The following CYP4F3 variants were observed in gnomAD, a reference collection of about 807,000 sequenced individuals.
The protein encoded by CYP4F3 is cytochrome P450 4F3.
A neutral mutation model predicts 54.8 loss-of-function variants in CYP4F3; 50 were observed. The ratio of observed to expected loss-of-function variants is 0.91; its 90% CI spans 0.73 to 1.16. CYP4F3 has a LOEUF of 1.16. Among genes scored for constraint, CYP4F3 ranks in the 50% most tolerant of loss-of-function variants. The pLI is 0.00. For synonymous variants in CYP4F3, 244 were observed against 262.6 expected (o/e 0.93, Z 0.69); for missense variants, 715 against 676.2 (o/e 1.06, Z -0.64).
chr19:15,657,624 C>T (rs141094984), intron 9 of CYP4F3, among the ~76,000 whole-genome samples: 336 of 151,244 alleles, frequency 2.2e-3, no homozygotes, highest in African/African-American at 7.3e-3. Context: ...AGTTTTATGG[C>T]ACAAACTTTC....
intron 5 of CYP4F3, 50 bp downstream of exon 5, chr19:15,647,374 A>T (rs201302682): frequency 6.2e-7 from 1 of 1,611,108 alleles, no homozygotes; most frequent in Non-Finnish European, 8.5e-7. Flanking sequence ...GTTGGGGGGA[A>T]CCACAGACAG....
In CYP4F3 at chr19:15,650,788, T is replaced by TTTCTTTC. The variant is rs1555742547; in HGVS notation, c.918+608_918+614dup. On this transcript the variant is annotated intron_variant, in intron 7 of 12. Transcript: ENST00000221307. ...TTCTTTTTCTTTCGTTCTTTCTTTC[T>TTTCTTTC]TTCTTTCTTTCTCTCTCTTCTCTTT... 5.0e-4 allele frequency among the ~76,000 whole-genome samples: 50 copies of TTTCTTTC among 100,024 alleles called. 1 individual carries two copies. Among genetic ancestry groups the TTTCTTTC allele is most frequent in the Non-Finnish European group, 6.2e-4 (33 of 52,996 alleles). 65.6% of individuals were successfully genotyped at this position (100,024 alleles called of 152,430 possible).
chr19:15,641,632 C>CAGGGT lies in CYP4F3; in HGVS notation c.198+19_198+20insAGGGT. 1 of 1,360,222 alleles carries CAGGGT rather than the reference C, an allele frequency of 7.4e-7. No homozygotes were observed. The highest frequency in any genetic ancestry group is 9.8e-7 in the Non-Finnish European group (1 of 1,021,576). 84.3% of individuals were successfully genotyped at this position (1,360,222 alleles called of 1,614,324 possible). On this transcript the variant is annotated intron_variant, in intron 2 of 12. Coordinates refer to ENST00000221307, the MANE Select transcript of CYP4F3 (RefSeq NM_000896.3). The stretch of plus-strand genomic sequence containing the variant: ...GGGCCTGGTGAGTGTGGCAGCAGGA[C>CAGGGT]GGGTCTGGGGTCTCAGGGTGGATGG...
chr19:15,643,887 G>A (rs756503946), intron 2 of CYP4F3: 316 of 1,532,220 alleles, frequency 2.1e-4, no homozygotes, highest in Non-Finnish European at 2.3e-4. Context: ...AGGAGGTGAC[G>A]GCCCCTGCCT....
chr19:15,656,900 G>A (rs973004947), intron 9 of CYP4F3, among the ~76,000 whole-genome samples: 3 of 152,012 alleles, frequency 2.0e-5, no homozygotes, highest in Non-Finnish European at 4.4e-5. Flanking sequence ...TCAACAGGGT[G>A]CCTTAATGCT....
intron 2 of CYP4F3, among the ~76,000 whole-genome samples, chr19:15,642,699 G>A (rs544701401): frequency 6.6e-6 from 1 of 152,190 alleles, no homozygotes; most frequent in African/African-American, 2.4e-5. Context: ...ACTTGGGGGT[G>A]GCCCCAAGAG....
rs1366980934 is a variant in CYP4F3 at position 15,650,124 on chromosome 19, C to T, written c.859C>T (p.Leu287Phe). The part of the protein sequence containing the change: ...TLPSQGVDDF[L>F]QAKAKSKTLD... ...CCCTAGCCAGGGTGTTGATGACTTC[C>T]TCCAAGCCAAGGCCAAATCCAAGAC... The change falls in exon 7 of 13, where the codon CTC (leucine) becomes TTC (phenylalanine). Residue 287 changes from leucine (L) to phenylalanine (F), a missense_variant. By Grantham distance (22) the Leu-to-Phe change is conservative. Transcript: ENST00000221307. The T allele has an allele frequency of 1.9e-6, 3 of 1,614,228 alleles. No homozygotes were observed. The highest frequency in any genetic ancestry group is 2.5e-6 in the Non-Finnish European group (3 of 1,180,042).
In CYP4F3 at chr19:15,658,303, T is replaced by G. The variant is rs1342391771; in HGVS notation, c.1155T>G (p.Ile385Met). The G allele has an allele frequency of 5.0e-6, 8 of 1,613,946 alleles. No homozygotes were observed. Among genetic ancestry groups the G allele is most frequent in the African/African-American group, 2.7e-5 (2 of 74,882 alleles). The change falls in exon 10 of 13, where the codon ATT becomes ATG. Residue 385 changes from isoleucine to methionine, a missense_variant. By Grantham distance (10) the Ile-to-Met change is conservative (BLOSUM62 1). Coordinates refer to ENST00000221307, the MANE Select transcript of CYP4F3 (RefSeq NM_000896.3). ...LAQLPFLTMC[I>M]KESLRLHPPV... is the part of the protein sequence containing the mutation. ...AGCTGCCCTTCCTGACCATGTGCATTAAGGAGAGCCTGAGGCTGCATCCCC... is the reference window on the plus strand; with the variant it reads ...AGCTGCCCTTCCTGACCATGTGCATGAAGGAGAGCCTGAGGCTGCATCCCC...
rs531656239 is a variant in CYP4F3 at position 15,659,334 on chromosome 19, G to T, written c.1512G>T (p.Leu504=). Residue 504 remains leucine (L), a synonymous_variant, in exon 13 of 13, where the codon CTG becomes CTT. Transcript: ENST00000221307. ...DHTEPRRKPE[L]VLRAEGGLWL... The stretch of plus-strand genomic sequence containing the variant: ...CCGAGCCCCGCAGGAAGCCGGAGCT[G>T]GTCCTGCGCGCAGAGGGCGGACTTT... 1.7e-5 allele frequency: 27 copies of T among 1,613,594 alleles called. No individual in the cohort carries two copies. In the East Asian group the frequency reaches 5.1e-4, roughly 31 times the overall value.
At chr19:15,655,859 C>G (rs905679759) in intron 9 of CYP4F3, among the ~76,000 whole-genome samples, 1 of 152,162 alleles carries the variant, frequency 6.6e-6, no homozygotes, top group Non-Finnish European at 1.5e-5. Context: ...TGTATACAAC[C>G]TGAAATTATT....
At chr19:15,651,436 C>A (rs543442514) in intron 7 of CYP4F3, among the ~76,000 whole-genome samples, 1 of 136,342 alleles carries the variant, frequency 7.3e-6, no homozygotes, top group Non-Finnish European at 1.6e-5. Flanking sequence ...GGTGCGATCT[C>A]GGCTTACTGC....
chr19:15,654,848 T>C (rs1972971532), intron 9 of CYP4F3, among the ~76,000 whole-genome samples: 1 of 152,228 alleles, frequency 6.6e-6, no homozygotes, highest in East Asian at 1.9e-4. Context: ...CATATATTTA[T>C]TTTCTTTCTT....
At chr19:15,649,845 G>A in intron 6 of CYP4F3, 68 bp from the exon 7 acceptor site, 1 of 1,581,268 alleles carries the variant, frequency 6.3e-7, no homozygotes, top group South Asian at 1.2e-5. Flanking sequence ...CCTAGCTGCT[G>A]GTGGGAGGTG....
Position 15,658,484 on chromosome 19 carries a change from C to A in CYP4F3, c.1250-7C>A. 6.2e-7 allele frequency: 1 copy of A among 1,614,202 alleles called. No individual in the cohort carries two copies. Among genetic ancestry groups the A allele is most frequent in the Non-Finnish European group, 8.5e-7 (1 of 1,180,018 alleles). On this transcript the variant is annotated splice_region_variant and splice_polypyrimidine_tract_variant and intron_variant, in intron 10 of 12. Transcript: ENST00000221307. ...CATTGTCCTGACTGCCCCCTTCTCTCCCACAGGCATTATCTGCCTCATCAG... is the reference window on the plus strand; with the variant it reads ...CATTGTCCTGACTGCCCCCTTCTCTACCACAGGCATTATCTGCCTCATCAG...
intron 3 of CYP4F3, among the ~76,000 whole-genome samples, chr19:15,646,651 T>C (rs1375543503): frequency 6.6e-6 from 1 of 152,188 alleles, no homozygotes; most frequent in East Asian, 1.9e-4. Context: ...GTCTCATGTC[T>C]AGGTCCATGT....
chr19:15,643,640 A>C (rs1327467355), intron 2 of CYP4F3, among the ~76,000 whole-genome samples: 1 of 152,112 alleles, frequency 6.6e-6, no homozygotes, highest in Non-Finnish European at 1.5e-5. Flanking sequence ...CAAGGGCAGG[A>C]GAAGATGGAT....
chr19:15,648,529 A>G (rs1039366525), intron 5 of CYP4F3, among the ~76,000 whole-genome samples: 3 of 152,212 alleles, frequency 2.0e-5, no homozygotes, highest in Non-Finnish European at 4.4e-5. Flanking sequence ...AAGGGTGCTC[A>G]GGACTCATGG....
chr19:15,662,592 T>C lies in CYP4F3; in HGVS notation c.*3207T>C, dbSNP rs549560634. 6.6e-6 allele frequency: 1 copy of C among 152,332 alleles called. No individual in the cohort carries two copies. Among genetic ancestry groups the C allele is most frequent in the South Asian group, 2.1e-4 (1 of 4,830 alleles). The allele number at this position is 152,332 out of a possible 1,614,324, so 9.4% of individuals were successfully genotyped here. ...ATTTCTACAAATAGTCCTGATAGGG[T>C]TTGAATTGGGATTTCTGTGAATCTA... On this transcript the variant is annotated 3_prime_UTR_variant, in exon 13 of 13. Coordinates refer to ENST00000221307, the MANE Select transcript of CYP4F3 (RefSeq NM_000896.3).
chr19:15,643,408 AGATAGAT>A (rs1259444091), intron 2 of CYP4F3, among the ~76,000 whole-genome samples: 2 of 28,458 alleles, frequency 7.0e-5, no homozygotes, highest in Non-Finnish European at 1.8e-4. Context: ...ATAGGTAAAT[AGATAGAT>A]AGATAGATAG....
Sources: gnomAD v4.1 joint callset for allele counts (sites outside exome capture counted in the v4.1 genomes callset) on GRCh38, gnomAD v4.1.1 for gene constraint, MANE v1.5 for transcripts, NCBI Gene and HGNC (gene_info 2026-07-23, HGNC 2026-07-21) for gene names.